Variants in ETV1 observed in about 807,000 individuals in gnomAD.
ETV1 encodes the protein ETS translocation variant 1.
A neutral mutation model predicts 62.3 loss-of-function variants in ETV1; 27 were observed. The ratio of observed to expected loss-of-function variants is 0.43; its 90% CI spans 0.32 to 0.60. The LOEUF (loss-of-function observed/expected upper bound fraction) is 0.60, where lower values mean the gene tolerates loss of function less well. ETV1 is among the 20% of genes least tolerant of loss of function. The probability of loss-of-function intolerance (pLI) is 0.06; values close to 1 mark genes in which losing one functional copy is unlikely to be tolerated. For missense variants in ETV1, 605 were observed against 605.8 expected (o/e 1.00, Z 0.01); for synonymous variants, 222 against 199.6 (o/e 1.11, Z -0.94).
At chr7:13,929,617 C>A (rs957657182) in intron 9 of ETV1, among the ~76,000 whole-genome samples, 1 of 152,190 alleles carries the variant, frequency 6.6e-6, no homozygotes, top group East Asian at 1.9e-4. Context: ...CCTTCACGAA[C>A]AACTGCCCTT....
intron 10 of ETV1, among the ~76,000 whole-genome samples, chr7:13,910,686 A>G (rs1456746873): frequency 1.3e-5 from 2 of 152,186 alleles, no homozygotes; most frequent in Admixed American, 6.5e-5. Context: ...AATCATTTTT[A>G]CCATTACTTT....
At chr7:13,971,705 A>T (rs1475945788) in intron 6 of ETV1, among the ~76,000 whole-genome samples, 1 of 152,254 alleles carries the variant, frequency 6.6e-6, no homozygotes, top group Admixed American at 6.5e-5. Context: ...GAATCACTAC[A>T]GAGAAAAGAC....
chr7:13,910,722 A>C (rs1284356435), intron 10 of ETV1, among the ~76,000 whole-genome samples: 2 of 152,194 alleles, frequency 1.3e-5, no homozygotes, highest in East Asian at 3.9e-4. Flanking sequence ...CTTTACAGGC[A>C]AAGCTTTCCT....
intron 12 of ETV1, among the ~76,000 whole-genome samples, chr7:13,901,131 A>G (rs1024341890): frequency 1.3e-5 from 2 of 151,716 alleles, no homozygotes; most frequent in African/African-American, 4.8e-5. Flanking sequence ...CAGCCTTCTG[A>G]GTAGGTGGGA....
In ETV1 at chr7:13,989,065, C is replaced by G. The variant is rs1782825266; in HGVS notation, c.-13G>C. ...AAAATCCATCCATGCTGCTGCTCTT[C>G]GCAAATCTCAGCTCAGTATTTTATA... is the stretch of plus-strand genomic sequence containing the variant. On this transcript the variant is annotated 5_prime_UTR_variant, in exon 3 of 14. Transcript: ENST00000430479. 2.5e-6 allele frequency: 4 copies of G among 1,582,196 alleles called. No homozygotes were observed. The highest frequency in any genetic ancestry group is 3.4e-6 in the Non-Finnish European group (4 of 1,167,344).
At chr7:13,922,106 A>G (rs1366006796) in intron 9 of ETV1, among the ~76,000 whole-genome samples, 1 of 152,208 alleles carries the variant, frequency 6.6e-6, no homozygotes, top group African/African-American at 2.4e-5. Flanking sequence ...TATAAAATTC[A>G]TAATAGATTG....
At chr7:13,960,059 G>C (rs1370733239) in intron 6 of ETV1, among the ~76,000 whole-genome samples, 1 of 151,264 alleles carries the variant, frequency 6.6e-6, no homozygotes, top group Non-Finnish European at 1.5e-5. Flanking sequence ...TAATGTATTT[G>C]CTGCTACATC....
chr7:13,904,355 T>C lies in ETV1; in HGVS notation c.1110+2075A>G, dbSNP rs540766317. ...TTATGAGGCTGCTACAGAAGAGTTGTCTAAATGTCAGTCTGTTGTATGGAA... is the reference window on the plus strand; with the variant it reads ...TTATGAGGCTGCTACAGAAGAGTTGCCTAAATGTCAGTCTGTTGTATGGAA... On this transcript the variant is annotated intron_variant, in intron 12 of 13. Coordinates refer to ENST00000430479, the MANE Select transcript of ETV1 (RefSeq NM_004956.5). 9.8e-5 allele frequency among the ~76,000 whole-genome samples: 15 copies of C among 152,318 alleles called. No homozygotes were observed. The East Asian group carries it at 1.9e-3, about 20-fold the overall frequency.
At chr7:13,965,739 C>T (rs60450666) in intron 6 of ETV1, among the ~76,000 whole-genome samples, 2 of 152,122 alleles carry the variant, frequency 1.3e-5, no homozygotes, top group African/African-American at 4.8e-5. Context: ...TTAGAGTGCC[C>T]TAATCTGATA....
At chr7:13,979,617 A>G (rs2214683) in intron 5 of ETV1, among the ~76,000 whole-genome samples, 119,828 of 151,990 alleles carry the variant, frequency 0.79, 48,005 homozygotes, top group African/African-American at 0.94. Flanking sequence ...CCATTATATC[A>G]TTGTTTTGGT....
At position 13,962,180 on chromosome 7, in the gene ETV1, T is replaced by TACACAC. The variant is rs113827897; in HGVS notation, c.235+15241_235+15246dup. Among the ~76,000 whole-genome samples the TACACAC allele has an allele frequency of 5.4e-5, 8 of 147,816 alleles. No homozygotes were observed. In the East Asian group the frequency reaches 1.4e-3, roughly 26 times the overall value. ...TCACATAAACATATACAATGTTATG[T>TACACAC]ACACACACACACACACACACACGTG... On this transcript the variant is annotated intron_variant, in intron 6 of 13. Transcript: ENST00000430479.
chr7:13,910,143 A>G (rs1461620334), intron 10 of ETV1, among the ~76,000 whole-genome samples: 2 of 150,362 alleles, frequency 1.3e-5, no homozygotes, highest in Non-Finnish European at 3.0e-5. Flanking sequence ...GATTTATTTT[A>G]TCCTCTTACT....
chr7:13,894,756 G>T lies in ETV1; in HGVS notation c.*1110C>A, dbSNP rs933430775. 1.3e-5 allele frequency: 3 copies of T among 232,448 alleles called. No individual in the cohort carries two copies. The highest frequency in any genetic ancestry group is 2.2e-5 in the African/African-American group (1 of 45,274). The allele number at this position is 232,448 out of a possible 1,614,324, so 14.4% of individuals were successfully genotyped here. On this transcript the variant is annotated 3_prime_UTR_variant, in exon 14 of 14. Coordinates refer to ENST00000430479, the MANE Select transcript of ETV1 (RefSeq NM_004956.5). ...AGAGAATATTACAGAAAAGACAGCAGCAGAAGCATTAGCATTATCTAATAT... is the reference window on the plus strand; with the variant it reads ...AGAGAATATTACAGAAAAGACAGCATCAGAAGCATTAGCATTATCTAATAT...
chr7:13,908,196 CA>C (rs1210305157), intron 11 of ETV1, among the ~76,000 whole-genome samples: 2 of 151,946 alleles, frequency 1.3e-5, no homozygotes, highest in Non-Finnish European at 2.9e-5. Context: ...TACTATCTTC[CA>C]AAAAATGTTT....
chr7:13,939,307 T>A, intron 6 of ETV1, 61 bp from the exon 7 acceptor site: 1 of 1,422,514 alleles, frequency 7.0e-7, no homozygotes, highest in South Asian at 1.3e-5. Context: ...TGGAGATTAA[T>A]GTGTTCTACT....
In ETV1 at chr7:13,989,255, C is replaced by A. The variant is rs1782843853; in HGVS notation, c.-88+13G>T. 1 of 565,308 alleles carries A rather than the reference C, an allele frequency of 1.8e-6. No individual in the cohort carries two copies. The highest frequency in any genetic ancestry group is 2.3e-5 in the South Asian group (1 of 43,142). The allele number at this position is 565,308 out of a possible 1,614,324, so 35.0% of individuals were successfully genotyped here. ...ATTCACAAAAATAACCCTCCCTACA[C>A]CGCCTCCTTCACCTGGATCCAAAGA... On this transcript the variant is annotated intron_variant, in intron 2 of 13. Coordinates refer to ENST00000430479, the MANE Select transcript of ETV1 (RefSeq NM_004956.5).
At chr7:13,934,132 C>G (rs557570272) in intron 8 of ETV1, among the ~76,000 whole-genome samples, 3 of 152,208 alleles carry the variant, frequency 2.0e-5, no homozygotes, top group Admixed American at 1.3e-4. Context: ...AATGGCCCAC[C>G]CTGCAATAAG....
rs1469996509 is a variant in ETV1, at chr7:13,964,321, G to A, written c.235+13106C>T. On this transcript the variant is annotated intron_variant, in intron 6 of 13. Transcript: ENST00000430479. ...GAGCCATTTTTAACCATGTTCGGTG[G>A]CCTTGATAGTATTTGACAACAACTT... Among the ~76,000 whole-genome samples, 5 of 152,206 alleles carry A rather than the reference G, an allele frequency of 3.3e-5. No individual in the cohort carries two copies. The East Asian group carries it at 9.7e-4, about 29-fold the overall frequency.
chr7:13,972,830 C>T (rs1781040242), intron 6 of ETV1, among the ~76,000 whole-genome samples: 1 of 152,042 alleles, frequency 6.6e-6, no homozygotes, highest in Admixed American at 6.6e-5. Context: ...GGCTGGTCTC[C>T]AACTCCCGAG....
Sources: allele counts gnomAD v4.1 joint callset (sites outside exome capture counted in the v4.1 genomes callset), GRCh38; gene constraint gnomAD v4.1.1; transcripts MANE v1.5; gene names NCBI Gene and HGNC (gene_info 2026-07-23, HGNC 2026-07-21).